TBCCD1: variants seen among roughly 807,000 people sequenced by gnomAD.
TBCCD1 encodes TBCC domain containing 1.
Under a neutral mutation model 53.4 loss-of-function variants are expected in TBCCD1, and 26 were observed. The observed-to-expected ratio is 0.49, with a 90% CI of 0.36 to 0.68. TBCCD1 has a LOEUF of 0.68. Among genes scored for constraint, TBCCD1 ranks in the 30% least tolerant of loss-of-function variants. The pLI is 0.00. For missense variants in TBCCD1, 558 were observed against 669.5 expected (o/e 0.83, Z 1.84); for synonymous variants, 245 against 241.7 (o/e 1.01, Z -0.13).
chr3:186,564,288 G>A lies in TBCCD1; in HGVS notation c.42C>T (p.Pro14=). Residue 14 remains proline (P), a synonymous_variant, in exon 2 of 8, where the codon CCC becomes CCT. Transcript: ENST00000338733. ...GGACCTGCAAGGCACCCACTATAAA[G>A]GGTTCTGCTTTCACCCAGAGGAGAA... ...SRVLLWVKAE[P]FIVGALQVPP... 6.2e-7 allele frequency: 1 copy of A among 1,614,162 alleles called. No homozygotes were observed. The highest frequency in any genetic ancestry group is 8.5e-7 in the Non-Finnish European group (1 of 1,180,022).
intron 2 of TBCCD1, among the ~76,000 whole-genome samples, chr3:186,562,345 T>A (rs111837859): frequency 1.3e-5 from 2 of 152,194 alleles, no homozygotes; most frequent in Non-Finnish European, 2.9e-5. Context: ...ATCCTGTCTC[T>A]TAAAAACAGA....
chr3:186,554,152 A>AT (rs1179288699), intron 6 of TBCCD1, 102 bp downstream of exon 6: 14 of 1,540,420 alleles, frequency 9.1e-6, no homozygotes, highest in Non-Finnish European at 1.1e-5. Context: ...CCAGCCTTAC[A>AT]TTTTTTATTA....
At chr3:186,556,322 A>G (rs909821075) in intron 4 of TBCCD1, 87 bp downstream of exon 4, 1 of 1,470,632 alleles carries the variant, frequency 6.8e-7, no homozygotes, top group Non-Finnish European at 9.1e-7. Context: ...TCTTCTAGAG[A>G]AGACACGAGA....
At chr3:186,561,338 G>C (rs149873598) in intron 2 of TBCCD1, among the ~76,000 whole-genome samples, 1 of 152,234 alleles carries the variant, frequency 6.6e-6, no homozygotes, top group Non-Finnish European at 1.5e-5. Flanking sequence ...TATACGAAAA[G>C]GTGCTCAACA....
At chr3:186,564,627 G>C (rs1714776284) in intron 1 of TBCCD1, among the ~76,000 whole-genome samples, 1 of 152,150 alleles carries the variant, frequency 6.6e-6, no homozygotes, top group South Asian at 2.1e-4. Flanking sequence ...AGTGTGTGTA[G>C]ATGCATGAAG....
intron 3 of TBCCD1, among the ~76,000 whole-genome samples, chr3:186,558,002 G>A (rs1222108995): frequency 6.6e-6 from 1 of 152,100 alleles, no homozygotes; most frequent in Non-Finnish European, 1.5e-5. Flanking sequence ...TTTAGCTTCT[G>A]GGTTGTCACG....
chr3:186,569,327 T>TATTTATTTATTTATTTATTC (rs1299175520), upstream of TBCCD1, among the ~76,000 whole-genome samples: 26 of 151,784 alleles, frequency 1.7e-4, no homozygotes, highest in African/African-American at 6.3e-4. Flanking sequence ...TTTATTTATT[T>TATTTATTTATTTATTTATTC]ATTTATTTTG....
chr3:186,555,042 TG>T lies in TBCCD1; in HGVS notation c.901del (p.His301MetfsTer10). ...CAGTCGGTGCATCCTAGGGGCCACA[TG>T]AGTATTACAAGCAATCTTAGCTCTT... is the stretch of plus-strand genomic sequence containing the variant. ...TKRAKIACNT[H>X]VAPRMHRLVV... On this transcript the variant is annotated frameshift_variant, in exon 5 of 8. Coordinates refer to ENST00000338733, the MANE Select transcript of TBCCD1 (RefSeq NM_018138.5). LOFTEE classifies it high-confidence loss of function. 1 of 1,612,422 alleles carries T rather than the reference TG, an allele frequency of 6.2e-7. No individual in the cohort carries two copies. The highest frequency in any genetic ancestry group is 2.2e-5 in the East Asian group (1 of 44,874).
chr3:186,558,304 G>C (rs532439083), intron 3 of TBCCD1, 113 bp downstream of exon 3: 2 of 1,279,004 alleles, frequency 1.6e-6, no homozygotes, highest in South Asian at 2.9e-5. Context: ...AACAAAACAA[G>C]CCATCAAATC....
At position 186,554,702 on chromosome 3, in the gene TBCCD1, C is replaced by T. The variant is rs1032207356; in HGVS notation, c.1096G>A (p.Val366Ile). 2 of 1,614,124 alleles carry T rather than the reference C, an allele frequency of 1.2e-6. No individual in the cohort carries two copies. Among genetic ancestry groups the T allele is most frequent in the African/African-American group, 1.3e-5 (1 of 75,016 alleles). Residue 366 changes from valine (V) to isoleucine (I), a missense_variant, in exon 6 of 8, where the codon GTA (valine) becomes ATA (isoleucine). Physicochemically the swap from Val to Ile is conservative, Grantham distance 29 (BLOSUM62 3). Coordinates refer to ENST00000338733, the MANE Select transcript of TBCCD1 (RefSeq NM_018138.5). ...CRNSIFVLGP[V>I]GTTLHLHSCD... ...CTGTGGAGGTGAAGTGTAGTCCCTA[C>T]AGGGCCCAAGACAAAGATGCTATTC... is the stretch of plus-strand genomic sequence containing the variant.
intron 6 of TBCCD1, 96 bp from the exon 7 acceptor site, chr3:186,551,375 A>G: frequency 8.4e-7 from 1 of 1,189,528 alleles, no homozygotes. Flanking sequence ...GGATAATGTT[A>G]AATGATTAAT....
chr3:186,564,079 A>G lies in TBCCD1; in HGVS notation c.251T>C (p.Met84Thr), dbSNP rs377115116. 74 of 1,614,064 alleles carry G rather than the reference A, an allele frequency of 4.6e-5. No individual in the cohort carries two copies. The Middle Eastern group carries it at 1.3e-3, about 29-fold the overall frequency. The change falls in exon 2 of 8, where the codon ATG (methionine) becomes ACG (threonine). Residue 84 changes from methionine (M) to threonine (T), a missense_variant. Physicochemically the swap from Met to Thr is moderately conservative, Grantham distance 81. Transcript: ENST00000338733. ...LYFEIFDSLS[M>T]KTPEERLEWS... ...TTCCAGGCGCTCCTCAGGTGTCTTCATTGAAAGACTATCAAATATTTCGAA... is the reference window on the plus strand; with the variant it reads ...TTCCAGGCGCTCCTCAGGTGTCTTCGTTGAAAGACTATCAAATATTTCGAA...
At chr3:186,551,870 G>C (rs1020692161) in intron 6 of TBCCD1, among the ~76,000 whole-genome samples, 2 of 152,094 alleles carry the variant, frequency 1.3e-5, no homozygotes, top group African/African-American at 4.8e-5. Flanking sequence ...CCAGCTACTC[G>C]GGAGGCTGAG....
chr3:186,570,496 G>T (rs963710277), upstream of TBCCD1: 1 of 489,808 alleles, frequency 2.0e-6, no homozygotes, highest in African/African-American at 2.0e-5. Flanking sequence ...TACGACTCGC[G>T]GTAGCTCAGG....
chr3:186,561,695 A>G (rs1205090664), intron 2 of TBCCD1, among the ~76,000 whole-genome samples: 2 of 152,134 alleles, frequency 1.3e-5, no homozygotes, highest in Non-Finnish European at 2.9e-5. Context: ...AGGCTGAGGC[A>G]GGAGAATGGT....
At position 186,554,737 on chromosome 3, in the gene TBCCD1, T is replaced by C; in HGVS notation, c.1061A>G (p.Glu354Gly). ...LLSPLRSVTI[E>G]KCRNSIFVLG... ...GACAAAGATGCTATTCCTGCACTTC[T>C]CAATTGTCACAGATCTGAAAAAAGG... Residue 354 changes from glutamate (E) to glycine (G), a missense_variant, in exon 6 of 8, where the codon GAG becomes GGG. Coordinates refer to ENST00000338733, the MANE Select transcript of TBCCD1 (RefSeq NM_018138.5). The C allele has an allele frequency of 6.2e-7, 1 of 1,613,164 alleles. No individual in the cohort carries two copies. Among genetic ancestry groups the C allele is most frequent in the Non-Finnish European group, 8.5e-7 (1 of 1,179,808 alleles).
rs552728182 is a variant in TBCCD1, at chr3:186,558,128, G to A, written c.492+289C>T. 9.2e-5 allele frequency among the ~76,000 whole-genome samples: 14 copies of A among 152,100 alleles called. No individual in the cohort carries two copies. Among genetic ancestry groups the A allele is most frequent in the Non-Finnish European group, 1.5e-4 (10 of 68,016 alleles). ...GCTCCTTAGTCACATAAGTTGATTC[G>A]CATTGATTGACATGTTGAAAACGGC... is the stretch of plus-strand genomic sequence containing the variant. On this transcript the variant is annotated intron_variant, in intron 3 of 7. Coordinates refer to ENST00000338733, the MANE Select transcript of TBCCD1 (RefSeq NM_018138.5).
At chr3:186,570,187 G>A (rs1206715719), upstream of TBCCD1, 1 of 692,704 alleles carries the variant, frequency 1.4e-6, no homozygotes, top group Non-Finnish European at 2.6e-6. Flanking sequence ...TTGTCTTATG[G>A]AGTTGCTTGG....
chr3:186,562,062 T>C (rs1480107215), intron 2 of TBCCD1, among the ~76,000 whole-genome samples: 1 of 152,048 alleles, frequency 6.6e-6, no homozygotes, highest in Non-Finnish European at 1.5e-5. Flanking sequence ...AGAAATCATG[T>C]TGGGTACAGT....
Sources: gnomAD v4.1 joint callset for allele counts (sites outside exome capture counted in the v4.1 genomes callset) on GRCh38, gnomAD v4.1.1 for gene constraint, MANE v1.5 for transcripts, NCBI Gene and HGNC (gene_info 2026-07-23, HGNC 2026-07-21) for gene names.